The following MOB3A variants were observed in gnomAD, a reference collection of about 807,000 sequenced individuals.
MOB3A encodes MOB LAK.
MOB3A carries 17 observed loss-of-function variants against 17.8 expected under a neutral mutation model. The observed-to-expected ratio is 0.95, with a 90% CI of 0.65 to 1.43. The LOEUF is 1.43. MOB3A is among the 40% of genes most tolerant of loss of function. The probability of loss-of-function intolerance (pLI) is 0.00; values close to 1 mark genes in which losing one functional copy is unlikely to be tolerated. For missense variants in MOB3A, 333 were observed against 310.8 expected (o/e 1.07, Z -0.54); for synonymous variants, 124 against 133.2 (o/e 0.93, Z 0.48).
Position 2,076,987 on chromosome 19 carries a change from G to T in MOB3A, c.448C>A (p.Gln150Lys), listed in dbSNP as rs1568251713. Reference sequence around the variant, plus strand: ...CGCGACAGGATCTTCCGCACCGTCTGCAGGAAGTTCTTGGGAAACGGAGTG... The same window carrying T: ...CGCGACAGGATCTTCCGCACCGTCTTCAGGAAGTTCTTGGGAAACGGAGTG... The part of the protein sequence containing the change: ...VGTPFPKNFL[Q>K]TVRKILSRLF... Residue 150 changes from glutamine to lysine, a missense_variant, in exon 4 of 5, where the codon CAG (glutamine) becomes AAG (lysine). Gln to Lys is a moderately conservative substitution (Grantham distance 53, BLOSUM62 1). Coordinates refer to ENST00000357066, the MANE Select transcript of MOB3A (RefSeq NM_130807.3). The T allele has an allele frequency of 6.2e-7, 1 of 1,613,640 alleles. No homozygotes were observed. Among genetic ancestry groups the T allele is most frequent in the Non-Finnish European group, 8.5e-7 (1 of 1,179,942 alleles).
intron 2 of MOB3A, among the ~76,000 whole-genome samples, chr19:2,081,489 G>A (rs946658791): frequency 1.3e-5 from 2 of 152,142 alleles, no homozygotes; most frequent in African/African-American, 4.8e-5. Flanking sequence ...TCGGGAGGCT[G>A]AGGCAGGAGA....
In MOB3A at chr19:2,078,327, G is replaced by A. The variant is rs200467912; in HGVS notation, c.234C>T (p.Thr78=). Residue 78 remains threonine (T), a synonymous_variant, in exon 3 of 5, where the codon ACC becomes ACT. Coordinates refer to ENST00000357066, the MANE Select transcript of MOB3A (RefSeq NM_130807.3). ...FFNRVNLIYG[T]ISDGCTEQSC... ...ACTGCTCCGTGCAGCCGTCGCTGAT[G>A]GTGCCGTAGATGAGGTTGACGCGGT... The A allele has an allele frequency of 8.1e-6, 13 of 1,614,166 alleles. No homozygotes were observed. The highest frequency in any genetic ancestry group is 1.0e-5 in the Non-Finnish European group (12 of 1,180,034).
At position 2,071,199 on chromosome 19, in the gene MOB3A, C is replaced by G. The variant is rs1463238246; in HGVS notation, c.*2196G>C. The G allele has an allele frequency of 1.3e-5, 2 of 152,158 alleles. No individual in the cohort carries two copies. Among genetic ancestry groups the G allele is most frequent in the Non-Finnish European group, 2.9e-5 (2 of 68,038 alleles). The allele number at this position is 152,158 out of a possible 1,614,324, so 9.4% of individuals were successfully genotyped here. On this transcript the variant is annotated 3_prime_UTR_variant, in exon 5 of 5. Transcript: ENST00000357066. ...CGGGCTGCTGGAGACATCCCGAGCC[C>G]TGGGGGAGACAGAGGTGTGGGTGTT...
intron 1 of MOB3A, among the ~76,000 whole-genome samples, chr19:2,090,765 G>A (rs1312779169): frequency 6.6e-6 from 1 of 152,046 alleles, no homozygotes; most frequent in African/African-American, 2.4e-5. Context: ...CTGGGTTCAC[G>A]CCATTCTCCT....
At chr19:2,096,073 T>C (rs372247107) in intron 1 of MOB3A, among the ~76,000 whole-genome samples, 153 bp downstream of exon 1, 14 of 151,028 alleles carry the variant, frequency 9.3e-5, no homozygotes, top group African/African-American at 3.4e-4. Context: ...GGCCTCCCCG[T>C]AGCCTAAGTT....
chr19:2,073,781 A>T (rs1360004782), intron 4 of MOB3A, among the ~76,000 whole-genome samples: 1 of 152,188 alleles, frequency 6.6e-6, no homozygotes, highest in African/African-American at 2.4e-5. Context: ...CTGTAATCCC[A>T]GCACTTTGGG....
intron 2 of MOB3A, chr19:2,083,965 T>A: frequency 3.5e-6 from 1 of 284,470 alleles, no homozygotes; most frequent in Non-Finnish European, 7.2e-6. Flanking sequence ...AGAGATAGGG[T>A]CTCACTACAT....
chr19:2,081,119 C>G (rs977122473), intron 2 of MOB3A, among the ~76,000 whole-genome samples: 5 of 151,764 alleles, frequency 3.3e-5, no homozygotes, highest in African/African-American at 1.2e-4. Flanking sequence ...GACCCTGTCT[C>G]AAAAAATAAA....
In MOB3A at chr19:2,072,543, C is replaced by G. The variant is rs2017351114; in HGVS notation, c.*852G>C. The stretch of plus-strand genomic sequence containing the variant: ...AGGAAATGAGTCAGAAGCCGGGGTG[C>G]AGGACGTGGGGTCCCAGGAGTCCAG... On this transcript the variant is annotated 3_prime_UTR_variant, in exon 5 of 5. Transcript: ENST00000357066. 6.6e-6 allele frequency: 1 copy of G among 152,162 alleles called. No individual in the cohort carries two copies. The highest frequency in any genetic ancestry group is 6.6e-5 in the Admixed American group (1 of 15,246). The allele number at this position is 152,162 out of a possible 1,614,324, so 9.4% of individuals were successfully genotyped here.
chr19:2,078,250 T>G lies in MOB3A; in HGVS notation c.311A>C (p.Glu104Ala), dbSNP rs200182881. 1 of 1,614,008 alleles carries G rather than the reference T, an allele frequency of 6.2e-7. No homozygotes were observed. The highest frequency in any genetic ancestry group is 2.2e-5 in the East Asian group (1 of 44,874). The stretch of plus-strand genomic sequence containing the variant: ...TGCCGTGGGCTTCCGGAACTTATGC[T>G]CATCCTGCCAGCGGTACTCATACTT... ...GPKYEYRWQD[E>A]HKFRKPTALS... The change falls in exon 3 of 5, where the codon GAG becomes GCG. Residue 104 changes from glutamate (E) to alanine (A), a missense_variant. Coordinates refer to ENST00000357066, the MANE Select transcript of MOB3A (RefSeq NM_130807.3).
intron 4 of MOB3A, among the ~76,000 whole-genome samples, chr19:2,076,546 G>C (rs965313050): frequency 2.0e-5 from 3 of 152,224 alleles, no homozygotes; most frequent in Non-Finnish European, 4.4e-5. Flanking sequence ...AGCTCAGGAC[G>C]GTGAAGGCGG....
intron 1 of MOB3A, among the ~76,000 whole-genome samples, chr19:2,092,630 T>C (rs2017626283): frequency 1.3e-5 from 2 of 151,422 alleles, no homozygotes; most frequent in African/African-American, 4.9e-5. Context: ...TGGTGGCGCA[T>C]GCCTGTAATC....
At chr19:2,086,224 G>C (rs979259346) in intron 1 of MOB3A, among the ~76,000 whole-genome samples, 1 of 151,938 alleles carries the variant, frequency 6.6e-6, no homozygotes, top group African/African-American at 2.4e-5. Context: ...ATTTTTAGTA[G>C]AGGTGGGGTT....
In MOB3A at chr19:2,073,143, G is replaced by A. The variant is rs1174008397; in HGVS notation, c.*252C>T. 4.0e-5 allele frequency: 22 copies of A among 556,490 alleles called. No homozygotes were observed. Among genetic ancestry groups the A allele is most frequent in the Admixed American group, 6.5e-5 (2 of 30,952 alleles). The allele number at this position is 556,490 out of a possible 1,614,324, so 34.5% of individuals were successfully genotyped here. Reference sequence around the variant, plus strand: ...GTTTAAAAACACAGTGGGCTTTTCCGGTTGCTAGTAACACATAGAATTACA... The same window carrying A: ...GTTTAAAAACACAGTGGGCTTTTCCAGTTGCTAGTAACACATAGAATTACA... On this transcript the variant is annotated 3_prime_UTR_variant, in exon 5 of 5. Transcript: ENST00000357066.
intron 1 of MOB3A, among the ~76,000 whole-genome samples, chr19:2,094,978 C>G (rs570722916): frequency 1.1e-4 from 16 of 152,314 alleles, no homozygotes; most frequent in African/African-American, 3.8e-4. Flanking sequence ...CAAGACCAGC[C>G]TGGCCAACAT....
At chr19:2,094,958 G>C (rs1167319805) in intron 1 of MOB3A, among the ~76,000 whole-genome samples, 1 of 152,218 alleles carries the variant, frequency 6.6e-6, no homozygotes, top group African/African-American at 2.4e-5. Flanking sequence ...ATCACCTGAG[G>C]TCAGGAGCTC....
chr19:2,076,887 A>G lies in MOB3A; in HGVS notation c.548T>C (p.Val183Ala). ...RIAQMGSEAHVNTCYKHFYYF... is the reference protein window; with the variant it reads ...RIAQMGSEAHANTCYKHFYYF... ...GTAGAAGTGCTTGTAGCAGGTGTTC[A>G]CGTGGGCCTCGGAGCCCATCTGCGC... The change falls in exon 4 of 5, where the codon GTG becomes GCG. Residue 183 changes from valine (V) to alanine (A), a missense_variant. Val to Ala is a moderately conservative substitution (Grantham distance 64). Transcript: ENST00000357066. 1 of 1,614,126 alleles carries G rather than the reference A, an allele frequency of 6.2e-7. No individual in the cohort carries two copies. The highest frequency in any genetic ancestry group is 2.2e-5 in the East Asian group (1 of 44,892).
chr19:2,082,267 G>A lies in MOB3A; in HGVS notation c.-120+2908C>T, dbSNP rs933016756. Among the ~76,000 whole-genome samples the A allele has an allele frequency of 8.5e-5, 13 of 152,242 alleles. No homozygotes were observed. The highest frequency in any genetic ancestry group is 3.9e-4 in the Admixed American group (6 of 15,290). The stretch of plus-strand genomic sequence containing the variant: ...TCTAACCCCTGGCTCTGTGGACATC[G>A]GGGTTGGATCGTTCTCTGGGGTGGG... On this transcript the variant is annotated intron_variant, in intron 2 of 4. Coordinates refer to ENST00000357066, the MANE Select transcript of MOB3A (RefSeq NM_130807.3). This position sits in a 1 kb window ranked among gnomAD's most constrained non-coding sequence, Gnocchi z 4.1.
At chr19:2,080,078 T>C (rs1209637364) in intron 2 of MOB3A, among the ~76,000 whole-genome samples, 1 of 152,154 alleles carries the variant, frequency 6.6e-6, no homozygotes. Context: ...GCCAACACCG[T>C]TATTGTCACT....
Sources: gnomAD v4.1 joint callset for allele counts (sites outside exome capture counted in the v4.1 genomes callset) on GRCh38, gnomAD v4.1.1 for gene constraint, Gnocchi (gnomAD v3.1) non-coding constraint, MANE v1.5 for transcripts, NCBI Gene and HGNC (gene_info 2026-07-23, HGNC 2026-07-21) for gene names.